RALYL: variants seen among roughly 807,000 people sequenced by gnomAD.
RALYL encodes RALY RNA binding protein like.
In RALYL, 29 loss-of-function variants were observed where a neutral mutation model predicts 35.1. The observed-to-expected ratio is 0.83, with a 90% CI of 0.61 to 1.13. The LOEUF is 1.13. Ranked by LOEUF, RALYL falls within the 50% of genes most tolerant of loss-of-function variation. The probability of loss-of-function intolerance (pLI) is 0.00; values close to 1 mark genes in which losing one functional copy is unlikely to be tolerated. For synonymous variants in RALYL, 120 were observed against 127.6 expected (o/e 0.94, Z 0.40); for missense variants, 359 against 360.4 (o/e 1.00, Z 0.03).
chr8:84,284,449 G>A (rs900493420), intron 1 of RALYL, among the ~76,000 whole-genome samples: 4 of 152,074 alleles, frequency 2.6e-5, no homozygotes, highest in Admixed American at 2.6e-4. Context: ...TTGGTGTTTT[G>A]TTAAACAAAC....
At chr8:84,831,223 G>T (rs1830851322) in intron 4 of RALYL, among the ~76,000 whole-genome samples, 1 of 152,042 alleles carries the variant, frequency 6.6e-6, no homozygotes, top group Admixed American at 6.6e-5. Flanking sequence ...GAAATGTAAA[G>T]AAATCTATAG....
At chr8:84,786,935 G>A (rs1274911919) in intron 3 of RALYL, among the ~76,000 whole-genome samples, 1 of 152,044 alleles carries the variant, frequency 6.6e-6, no homozygotes, top group Admixed American at 6.6e-5. Context: ...TAAAATATAT[G>A]CAGAGAAAAA....
intron 1 of RALYL, among the ~76,000 whole-genome samples, chr8:84,263,508 A>T (rs1477317648): frequency 6.6e-6 from 1 of 152,234 alleles, no homozygotes; most frequent in Non-Finnish European, 1.5e-5. Context: ...TTCTGAATGC[A>T]ATTTAAATAA....
intron 1 of RALYL, among the ~76,000 whole-genome samples, chr8:84,265,573 C>T (rs1833130711): frequency 6.6e-6 from 1 of 151,902 alleles, no homozygotes. Context: ...AGTGGTGCTT[C>T]TCTAGAGCCA....
intron 1 of RALYL, among the ~76,000 whole-genome samples, chr8:84,296,827 G>T (rs1447988423): frequency 2.6e-5 from 4 of 151,702 alleles, no homozygotes; most frequent in African/African-American, 9.7e-5. Context: ...ACAAGTAAAT[G>T]AATATGTAAT....
intron 4 of RALYL, among the ~76,000 whole-genome samples, chr8:84,840,752 G>C (rs1243241005): frequency 6.6e-6 from 1 of 152,250 alleles, no homozygotes; most frequent in Non-Finnish European, 1.5e-5. Context: ...AAGCCCATCA[G>C]ACTAACAACT....
At chr8:84,775,591 C>T (rs553018367) in intron 3 of RALYL, among the ~76,000 whole-genome samples, 1 of 152,276 alleles carries the variant, frequency 6.6e-6, no homozygotes, top group South Asian at 2.1e-4. Context: ...TTAACCTTTC[C>T]TGAAGTGCTT....
intron 1 of RALYL, among the ~76,000 whole-genome samples, chr8:84,501,915 G>C (rs2134231189): frequency 6.6e-6 from 1 of 151,174 alleles, no homozygotes; most frequent in African/African-American, 2.4e-5. Context: ...AAAAATCATA[G>C]AATTTTACTC....
intron 2 of RALYL, among the ~76,000 whole-genome samples, chr8:84,596,738 T>A (rs1238388490): frequency 1.3e-5 from 2 of 152,134 alleles, no homozygotes; most frequent in African/African-American, 4.8e-5. Context: ...TCCTGGATAA[T>A]TCTGAATCAG....
intron 1 of RALYL, among the ~76,000 whole-genome samples, chr8:84,471,216 A>G (rs1441296224): frequency 6.6e-6 from 1 of 152,200 alleles, no homozygotes. Context: ...TTGCAAAGTT[A>G]TTGCTATTAA....
At chr8:84,488,938 A>T (rs932142963) in intron 1 of RALYL, among the ~76,000 whole-genome samples, 2 of 152,102 alleles carry the variant, frequency 1.3e-5, no homozygotes, top group Non-Finnish European at 2.9e-5. Flanking sequence ...TACTTCTTTA[A>T]TTGAGAGGAA....
At chr8:84,705,823 T>C (rs1841105017) in intron 2 of RALYL, 1 of 1,088,964 alleles carries the variant, frequency 9.2e-7, no homozygotes, top group Non-Finnish European at 1.2e-6. Context: ...CCCTAGAAGA[T>C]TTACATTAAA....
chr8:84,448,242 G>A (rs2049061455), intron 1 of RALYL, among the ~76,000 whole-genome samples: 1 of 151,910 alleles, frequency 6.6e-6, no homozygotes, highest in African/African-American at 2.4e-5. Flanking sequence ...ATGTATGTAT[G>A]TATGGCTTGT....
intron 1 of RALYL, among the ~76,000 whole-genome samples, chr8:84,426,772 G>A (rs116112179): frequency 6.6e-6 from 1 of 152,152 alleles, no homozygotes; most frequent in African/African-American, 2.4e-5. Context: ...CCTCATACCT[G>A]TCAGGATGGC....
intron 2 of RALYL, among the ~76,000 whole-genome samples, chr8:84,556,629 G>A (rs1018451685): frequency 2.6e-5 from 4 of 152,254 alleles, no homozygotes; most frequent in African/African-American, 9.6e-5. Context: ...TGTAGACAGA[G>A]TTATTTCTCT....
At chr8:84,918,808 T>C (rs1027908865) in intron 8 of RALYL, among the ~76,000 whole-genome samples, 1 of 152,112 alleles carries the variant, frequency 6.6e-6, no homozygotes, top group Admixed American at 6.6e-5. Context: ...CAATGCAAAG[T>C]TAATGAGTCT....
In RALYL at chr8:84,444,705, C is replaced by G. The variant is rs563257445; in HGVS notation, c.-23-84594C>G. 7.9e-5 allele frequency among the ~76,000 whole-genome samples: 12 copies of G among 152,020 alleles called. No homozygotes were observed. In the South Asian group the frequency reaches 2.5e-3, roughly 32 times the overall value. ...GGTAAAGCCAATAATAGGAGACAAG[C>G]GTCCATGCAAAAAACAATAGGAATG... On this transcript the variant is annotated intron_variant, in intron 1 of 8. Coordinates refer to ENST00000521268, the MANE Select transcript of RALYL (RefSeq NM_173848.7).
intron 3 of RALYL, among the ~76,000 whole-genome samples, chr8:84,804,512 A>G (rs1441410612): frequency 6.6e-6 from 1 of 152,222 alleles, no homozygotes; most frequent in Non-Finnish European, 1.5e-5. Context: ...GATTAATACT[A>G]TGATCATCTT....
At chr8:84,637,400 A>G (rs538724320) in intron 2 of RALYL, among the ~76,000 whole-genome samples, 1 of 151,968 alleles carries the variant, frequency 6.6e-6, no homozygotes, top group South Asian at 2.1e-4. Context: ...CGTTTCCTAG[A>G]AGATTTTTAT....
Sources: gnomAD v4.1 joint callset for allele counts (sites outside exome capture counted in the v4.1 genomes callset) on GRCh38, gnomAD v4.1.1 for gene constraint, MANE v1.5 for transcripts, NCBI Gene and HGNC (gene_info 2026-07-23, HGNC 2026-07-21) for gene names.